ADGRG6: variants seen among roughly 807,000 people sequenced by gnomAD.
ADGRG6 encodes the protein G-protein coupled receptor 126.
Under a neutral mutation model 142.4 loss-of-function variants are expected in ADGRG6, and 84 were observed. That is an observed-to-expected ratio of 0.59 (90% CI 0.49 to 0.71). ADGRG6 has a LOEUF of 0.71. Ranked by LOEUF, ADGRG6 falls within the 30% of genes least tolerant of loss-of-function variation. ADGRG6 has a pLI of 0.00. For missense variants in ADGRG6, 1,367 were observed against 1,466.6 expected (o/e 0.93, Z 1.11); for synonymous variants, 521 against 520.5 (o/e 1.00, Z -0.01).
Position 142,438,485 on chromosome 6 carries a change from T to C in ADGRG6, c.3574+121T>C, listed in dbSNP as rs936012081. 7.0e-6 allele frequency: 4 copies of C among 571,982 alleles called. No individual in the cohort carries two copies. In the Admixed American group the frequency reaches 1.6e-4, roughly 23 times the overall value. 35.4% of individuals were successfully genotyped at this position (571,982 alleles called of 1,614,324 possible). ...GGTGCATCTTTTAGATTTATGAAAA[T>C]AAAAATCCGTTTGAAGACGTTATCC... On this transcript the variant is annotated intron_variant, in intron 24 of 24. Transcript: ENST00000367609.
rs567893859 is a variant in ADGRG6 at position 142,401,182 on chromosome 6, A to T, written c.1679+586A>T. Among the ~76,000 whole-genome samples the T allele has an allele frequency of 2.6e-5, 4 of 152,314 alleles. No individual in the cohort carries two copies. In the East Asian group the frequency reaches 7.7e-4, roughly 29 times the overall value. The stretch of plus-strand genomic sequence containing the variant: ...ATTCAGAAATGGAAACTGCCTAAGC[A>T]TAAATACTTTGCATACTATAAATAT... On this transcript the variant is annotated intron_variant, in intron 11 of 24. Coordinates refer to ENST00000367609, the MANE Select transcript of ADGRG6 (RefSeq NM_198569.3).
intron 22 of ADGRG6, among the ~76,000 whole-genome samples, chr6:142,432,229 G>A (rs1231275206): frequency 6.6e-6 from 1 of 152,082 alleles, no homozygotes; most frequent in East Asian, 1.9e-4. Context: ...AGATCCAGAT[G>A]CCTGCCACAC....
At chr6:142,358,041 AAGT>A (rs1780537619) in intron 2 of ADGRG6, among the ~76,000 whole-genome samples, 1 of 152,170 alleles carries the variant, frequency 6.6e-6, no homozygotes, top group Non-Finnish European at 1.5e-5. Flanking sequence ...TGTGCTCAAG[AAGT>A]TAGTTATGTG....
intron 22 of ADGRG6, among the ~76,000 whole-genome samples, chr6:142,430,591 TAGCCTAAATATCTA>T (rs1434050702): frequency 1.3e-5 from 2 of 152,224 alleles, no homozygotes; most frequent in Non-Finnish European, 2.9e-5. Flanking sequence ...GCCAAATTTC[TAGCCTAAATATCTA>T]AGTGTATCTT....
intron 22 of ADGRG6, among the ~76,000 whole-genome samples, chr6:142,434,823 G>A (rs1435299720): frequency 2.6e-5 from 4 of 152,102 alleles, no homozygotes; most frequent in Non-Finnish European, 5.9e-5. Context: ...ACCTAGAGGA[G>A]AATCAGCCTA....
At chr6:142,385,185 A>T (rs17346499) in intron 6 of ADGRG6, among the ~76,000 whole-genome samples, 1,669 of 152,188 alleles carry the variant, frequency 0.011, 14 homozygotes, top group Non-Finnish European at 0.018. Flanking sequence ...AGCTGTATTC[A>T]CTCAATCATG....
chr6:142,443,467 T>A lies in ADGRG6; in HGVS notation c.3705T>A (p.Tyr1235Ter), dbSNP rs751561275. 1 of 1,611,986 alleles carries A rather than the reference T, an allele frequency of 6.2e-7. No homozygotes were observed. The highest frequency in any genetic ancestry group is 8.5e-7 in the Non-Finnish European group (1 of 1,178,452). Reference protein sequence around the residue: ...GYCNAHSDNFYKNIIMSDTFS... With the variant: ...GYCNAHSDNF The stretch of plus-strand genomic sequence containing the variant: ...GCAATGCTCATTCAGACAACTTCTA[T>A]AAAAATATTATCATGTCAGACACCT... The change falls in exon 25 of 25, where the codon TAT becomes TAA. Residue 1235 changes from tyrosine (Y) to a stop codon, truncating the protein, a stop_gained. Transcript: ENST00000367609. LOFTEE classifies it high-confidence loss of function.
intron 5 of ADGRG6, among the ~76,000 whole-genome samples, 196 bp from the exon 6 acceptor site, chr6:142,383,564 G>A (rs898526307): frequency 2.0e-5 from 3 of 152,018 alleles, no homozygotes; most frequent in Admixed American, 6.6e-5. Flanking sequence ...AGCATCAAAG[G>A]CCATGTGTAC....
chr6:142,345,513 G>A (rs1779856991), intron 2 of ADGRG6, among the ~76,000 whole-genome samples: 1 of 151,920 alleles, frequency 6.6e-6, no homozygotes, highest in Non-Finnish European at 1.5e-5. Flanking sequence ...AGTCTTTCTG[G>A]TTTACATGTC....
chr6:142,429,444 C>T (rs1175007903), intron 22 of ADGRG6, among the ~76,000 whole-genome samples: 1 of 152,126 alleles, frequency 6.6e-6, no homozygotes, highest in Non-Finnish European at 1.5e-5. Context: ...AAATAAATTA[C>T]TCACTCTTTG....
chr6:142,305,414 C>A (rs1052750901), intron 1 of ADGRG6, among the ~76,000 whole-genome samples: 1 of 144,880 alleles, frequency 6.9e-6, no homozygotes, highest in Admixed American at 7.0e-5. Context: ...TGCCCCCCCC[C>A]ACGAGCCCCT....
chr6:142,445,404 T>C lies in ADGRG6; in HGVS notation c.*1889T>C, dbSNP rs1027291019. ...ATGAATCTTAGTCACTGAATATTCA[T>C]ATACATTTCCCCCAAAACCTTAGAC... is the stretch of plus-strand genomic sequence containing the variant. On this transcript the variant is annotated 3_prime_UTR_variant, in exon 25 of 25. Coordinates refer to ENST00000367609, the MANE Select transcript of ADGRG6 (RefSeq NM_198569.3). 1 of 152,176 alleles carries C rather than the reference T, an allele frequency of 6.6e-6. No homozygotes were observed. The highest frequency in any genetic ancestry group is 6.5e-5 in the Admixed American group (1 of 15,274). The allele number at this position is 152,176 out of a possible 1,614,324, so 9.4% of individuals were successfully genotyped here.
At chr6:142,368,036 G>A (rs1038897046) in intron 3 of ADGRG6, 126 bp downstream of exon 3, 2 of 618,802 alleles carry the variant, frequency 3.2e-6, no homozygotes, top group African/African-American at 3.7e-5. Flanking sequence ...TGGGATATAA[G>A]GGCAAGAATC....
intron 4 of ADGRG6, among the ~76,000 whole-genome samples, chr6:142,378,880 T>G (rs548214028): frequency 2.0e-5 from 3 of 152,370 alleles, no homozygotes; most frequent in South Asian, 4.1e-4. Context: ...TTAAATTATG[T>G]AAAACCACCT....
chr6:142,443,052 TCC>T (rs1464085003), intron 24 of ADGRG6, among the ~76,000 whole-genome samples: 1 of 152,182 alleles, frequency 6.6e-6, no homozygotes, highest in East Asian at 1.9e-4. Context: ...GAAGTGGTTT[TCC>T]AATTATTTTT....
At chr6:142,318,404 AATAT>A (rs557140736) in intron 2 of ADGRG6, among the ~76,000 whole-genome samples, 1 of 112,398 alleles carries the variant, frequency 8.9e-6, no homozygotes, top group Admixed American at 1.4e-4. Context: ...ATGTAATTTA[AATAT>A]ATATATAATA....
At chr6:142,306,161 T>C (rs1456378560) in intron 1 of ADGRG6, among the ~76,000 whole-genome samples, 1 of 152,198 alleles carries the variant, frequency 6.6e-6, no homozygotes, top group Non-Finnish European at 1.5e-5. Context: ...TCTCCACTAA[T>C]ATCAAAATTT....
chr6:142,337,918 T>G (rs1779395581), intron 2 of ADGRG6, among the ~76,000 whole-genome samples: 1 of 151,782 alleles, frequency 6.6e-6, no homozygotes. Context: ...AATAATTATA[T>G]CTGATCATTT....
At chr6:142,385,977 C>G (rs1014196592) in intron 6 of ADGRG6, among the ~76,000 whole-genome samples, 21 of 152,120 alleles carry the variant, frequency 1.4e-4, no homozygotes, top group African/African-American at 5.1e-4. Context: ...ACTGTCAAAT[C>G]TATTATCTAA....
Sources: gnomAD v4.1 joint callset for allele counts (sites outside exome capture counted in the v4.1 genomes callset) on GRCh38, gnomAD v4.1.1 for gene constraint, MANE v1.5 for transcripts, NCBI Gene and HGNC (gene_info 2026-07-23, HGNC 2026-07-21) for gene names.